Variants in PTPRN2 observed in about 807,000 individuals in gnomAD.
PTPRN2 encodes the protein protein tyrosine phosphatase receptor type N2.
Under a neutral mutation model 118.8 loss-of-function variants are expected in PTPRN2, and 74 were observed. The observed-to-expected ratio is 0.62, with a 90% confidence interval of 0.52 to 0.76. PTPRN2 has a LOEUF of 0.76. PTPRN2 is among the 30% of genes least tolerant of loss of function. The pLI, the probability that PTPRN2 is intolerant of heterozygous loss-of-function variation, is 0.00. For synonymous variants in PTPRN2, 641 were observed against 608.0 expected (o/e 1.05, Z -0.80); for missense variants, 1,481 against 1,394.4 (o/e 1.06, Z -0.99).
intron 15 of PTPRN2, among the ~76,000 whole-genome samples, chr7:157,604,720 G>C (rs1266823165): frequency 6.6e-6 from 1 of 152,252 alleles, no homozygotes; most frequent in Non-Finnish European, 1.5e-5. Flanking sequence ...TACTGGTGGA[G>C]ACTGGCATAA....
At position 158,115,199 on chromosome 7, in the gene PTPRN2, A is replaced by C. The variant is rs148622421; in HGVS notation, c.1557-4284T>G. Among the ~76,000 whole-genome samples the C allele has an allele frequency of 2.6e-3, 399 of 152,140 alleles. 2 individuals are homozygous for C. Among genetic ancestry groups the C allele is most frequent in the African/African-American group, 9.2e-3 (381 of 41,522 alleles). ...TATCCAAAATAACAACAACAACAAC[A>C]ACAAAAGTTCCCTCCCCTGGATAAA... On this transcript the variant is annotated intron_variant, in intron 9 of 22. Coordinates refer to ENST00000389418, the MANE Select transcript of PTPRN2 (RefSeq NM_002847.5).
intron 3 of PTPRN2, among the ~76,000 whole-genome samples, chr7:158,275,939 C>T (rs2150983274): frequency 6.6e-6 from 1 of 152,308 alleles, no homozygotes; most frequent in African/African-American, 2.4e-5. Flanking sequence ...TTTGTATTTG[C>T]AGTAAAACCC....
At position 158,015,559 on chromosome 7, in the gene PTPRN2, G is replaced by A. The variant is rs980282279; in HGVS notation, c.1723+65739C>T. 6.6e-6 allele frequency among the ~76,000 whole-genome samples: 1 copy of A among 151,866 alleles called. No homozygotes were observed. Among genetic ancestry groups the A allele is most frequent in the African/African-American group, 2.4e-5 (1 of 41,294 alleles). ...CTCACCGCCCCCGCCCCTCACCCCT[G>A]TATGTGCATCTGGAATCCACTTTCA... On this transcript the variant is annotated intron_variant, in intron 11 of 22. Transcript: ENST00000389418. The surrounding 1 kb of genome is among the most constrained non-coding windows in gnomAD (Gnocchi z 4.2).
chr7:158,508,888 G>A lies in PTPRN2; in HGVS notation c.113-19103C>T, dbSNP rs112934812. On this transcript the variant is annotated intron_variant, in intron 1 of 22. Transcript: ENST00000389418. ...AAGTGGCTCCGCTCCTGTGGGTGTC[G>A]GGGCAACGTGGGACGCTCGGAGCAG... Among the ~76,000 whole-genome samples the A allele has an allele frequency of 4.6e-3, 638 of 139,396 alleles. 36 individuals carry two copies. The highest frequency in any genetic ancestry group is 0.018 in the African/African-American group (590 of 33,526). The allele number at this position is 139,396 out of a possible 152,430, so 91.4% of individuals were successfully genotyped here.
rs946191698 is a variant in PTPRN2, at chr7:157,829,669, A to G, written c.1788+69004T>C. ...AGCCATCTCTGCAATGGAAGGACAG[A>G]GCATGACCGTGCACCCACCTGCTGA... On this transcript the variant is annotated intron_variant, in intron 12 of 22. Transcript: ENST00000389418. Among the ~76,000 whole-genome samples the G allele has an allele frequency of 2.0e-5, 3 of 152,230 alleles. No individual in the cohort carries two copies. In the South Asian group the frequency reaches 6.2e-4, roughly 31 times the overall value.
rs745635079 is a variant in PTPRN2, at chr7:158,316,973, A to AT, written c.164-42dup. 1.0e-5 allele frequency: 15 copies of AT among 1,472,240 alleles called. No individual in the cohort carries two copies. In the Admixed American group the frequency reaches 1.3e-4, roughly 13 times the overall value. 91.2% of individuals were successfully genotyped at this position (1,472,240 alleles called of 1,614,324 possible). ...GAGATAAGACAGAACGAGACGTTTC[A>AT]TTTTCAGAGAGCAGGAAGGTGTCAC... On this transcript the variant is annotated intron_variant, in intron 2 of 22. Transcript: ENST00000389418.
chr7:157,816,718 A>G (rs1806423217), intron 12 of PTPRN2, among the ~76,000 whole-genome samples: 1 of 152,186 alleles, frequency 6.6e-6, no homozygotes, highest in Non-Finnish European at 1.5e-5. Context: ...CATCCTTGGA[A>G]GCGGGTGGTG....
chr7:158,270,781 CCA>C (rs1563067199), intron 3 of PTPRN2, among the ~76,000 whole-genome samples: 3 of 115,190 alleles, frequency 2.6e-5, no homozygotes, highest in African/African-American at 8.2e-5. Context: ...TCCACCTGGA[CCA>C]CCCCTCCACC....
chr7:158,049,586 A>G (rs546488510), intron 11 of PTPRN2, among the ~76,000 whole-genome samples: 1 of 152,262 alleles, frequency 6.6e-6, no homozygotes, highest in East Asian at 1.9e-4. Flanking sequence ...CTCACAGCTG[A>G]TCCCACATGG....
In PTPRN2 at chr7:158,089,990, C is replaced by T. The variant is rs867171855; in HGVS notation, c.1644-8613G>A. On this transcript the variant is annotated intron_variant, in intron 10 of 22. Transcript: ENST00000389418. ...GAGGGAGTCTTCACACAAACCCTTC[C>T]TCCCCTGACGAAAGAGGGAGTCTTC... Among the ~76,000 whole-genome samples the T allele has an allele frequency of 2.2e-4, 7 of 31,314 alleles. 2 individuals are homozygous for T. The highest frequency in any genetic ancestry group is 3.1e-4 in the Admixed American group (1 of 3,258). The allele number at this position is 31,314 out of a possible 152,430, so 20.5% of individuals were successfully genotyped here. A position where few individuals can be genotyped will look rare whatever the true frequency, so the allele number is the denominator to read the frequency against.
chr7:157,609,675 G>A lies in PTPRN2; in HGVS notation c.2345-5600C>T, dbSNP rs1217904535. ...GTAAACTGTTCAGTGTTCGGAGAAT[G>A]CAGGATGATAACATACAACTCACAG... On this transcript the variant is annotated intron_variant, in intron 15 of 22. Transcript: ENST00000389418. The surrounding 1 kb of genome is among the most constrained non-coding windows in gnomAD (Gnocchi z 4.9). Among the ~76,000 whole-genome samples, 1 of 152,176 alleles carries A rather than the reference G, an allele frequency of 6.6e-6. No individual in the cohort carries two copies. Among genetic ancestry groups the A allele is most frequent in the Non-Finnish European group, 1.5e-5 (1 of 68,044 alleles).
chr7:158,149,224 C>G (rs990660856), intron 6 of PTPRN2, among the ~76,000 whole-genome samples: 2 of 151,390 alleles, frequency 1.3e-5, no homozygotes, highest in African/African-American at 4.9e-5. Flanking sequence ...CTGACCTGCT[C>G]TCCAAGCTGG....
At chr7:157,557,542 ACACACACTCC>A (rs1449251559) in intron 21 of PTPRN2, among the ~76,000 whole-genome samples, 1 of 74,012 alleles carries the variant, frequency 1.4e-5, no homozygotes, top group Non-Finnish European at 2.7e-5. Context: ...CACACCCATC[ACACACACTCC>A]CACACACACA....
chr7:158,431,903 G>A lies in PTPRN2; in HGVS notation c.163+57832C>T, dbSNP rs183134075. Among the ~76,000 whole-genome samples the A allele has an allele frequency of 3.9e-5, 6 of 152,394 alleles. No individual in the cohort carries two copies. In the East Asian group the frequency reaches 1.2e-3, roughly 29 times the overall value. On this transcript the variant is annotated intron_variant, in intron 2 of 22. Coordinates refer to ENST00000389418, the MANE Select transcript of PTPRN2 (RefSeq NM_002847.5). ...TGCTCCATCATGTTATCCGGGACCT[G>A]CTCGTCCCTCTCTCTGACCTGCCTG...
intron 12 of PTPRN2, among the ~76,000 whole-genome samples, chr7:157,799,691 G>GC (rs1805105305): frequency 6.6e-6 from 1 of 152,112 alleles, no homozygotes; most frequent in Non-Finnish European, 1.5e-5. Flanking sequence ...GGAAATGTCT[G>GC]CTGGCTTTGC....
At chr7:158,166,720 C>T (rs531761437) in intron 6 of PTPRN2, among the ~76,000 whole-genome samples, 4 of 152,290 alleles carry the variant, frequency 2.6e-5, no homozygotes, top group East Asian at 3.9e-4. Context: ...GTTCCCAGGA[C>T]GTGAAATGAC....
chr7:158,205,416 C>G, intron 3 of PTPRN2, 143 bp from the exon 4 acceptor site: 2 of 627,842 alleles, frequency 3.2e-6, no homozygotes, highest in East Asian at 2.8e-5. Context: ...TGCAGTTTAT[C>G]AAGATCTCCT....
chr7:158,262,760 GCA>G (rs201749226), intron 3 of PTPRN2, among the ~76,000 whole-genome samples: 8,507 of 133,612 alleles, frequency 0.064, 287 homozygotes, highest in East Asian at 0.12. Flanking sequence ...TACACACACT[GCA>G]CACACACATT....
chr7:158,296,367 G>A (rs1800500081), intron 3 of PTPRN2, among the ~76,000 whole-genome samples: 1 of 152,176 alleles, frequency 6.6e-6, no homozygotes, highest in Non-Finnish European at 1.5e-5. Flanking sequence ...TGCCTTCCCA[G>A]TCCATCTCCC....
Sources: gnomAD v4.1 joint callset for allele counts (sites outside exome capture counted in the v4.1 genomes callset) on GRCh38, gnomAD v4.1.1 for gene constraint, Gnocchi (gnomAD v3.1) non-coding constraint, MANE v1.5 for transcripts, NCBI Gene and HGNC (gene_info 2026-07-23, HGNC 2026-07-21) for gene names.